SYNGR3: variants seen among roughly 807,000 people sequenced by gnomAD.
SYNGR3 encodes synaptogyrin 3.
SYNGR3 carries 10 observed loss-of-function variants against 18.5 expected under a neutral mutation model. The ratio of observed to expected loss-of-function variants is 0.54; its 90% CI spans 0.33 to 0.92. The LOEUF (loss-of-function observed/expected upper bound fraction) is 0.92, where lower values mean the gene tolerates loss of function less well. SYNGR3 is among the 40% of genes least tolerant of loss of function. The pLI, the probability that SYNGR3 is intolerant of heterozygous loss-of-function variation, is 0.02. For synonymous variants in SYNGR3, 188 were observed against 157.2 expected (o/e 1.20, Z -1.47); for missense variants, 335 against 332.8 (o/e 1.01, Z -0.05).
rs2083608418 is a variant in SYNGR3, at chr16:1,992,314, C to T, written c.337+103C>T. On this transcript the variant is annotated intron_variant, in intron 2 of 3. Coordinates refer to ENST00000248121, the MANE Select transcript of SYNGR3 (RefSeq NM_004209.6). Reference sequence around the variant, plus strand: ...CGCTGGAGTTTCCAGCTGGGCGTGGCCGTGACGAGGGGCGGGGACTGAGGC... The same window carrying T: ...CGCTGGAGTTTCCAGCTGGGCGTGGTCGTGACGAGGGGCGGGGACTGAGGC... 5.0e-6 allele frequency: 4 copies of T among 800,604 alleles called. No homozygotes were observed. In the East Asian group the frequency reaches 2.0e-4, roughly 39 times the overall value. The allele number at this position is 800,604 out of a possible 1,614,324, so 49.6% of individuals were successfully genotyped here. A position where few individuals can be genotyped will look rare whatever the true frequency, so the allele number is the denominator to read the frequency against.
Position 1,993,494 on chromosome 16 carries a change from A to G in SYNGR3, c.*422A>G, listed in dbSNP as rs1390576636. The G allele has an allele frequency of 8.4e-6, 4 of 477,586 alleles. No individual in the cohort carries two copies. In the East Asian group the frequency reaches 2.5e-4, roughly 30 times the overall value. 29.6% of individuals were successfully genotyped at this position (477,586 alleles called of 1,614,324 possible). A position where few individuals can be genotyped will look rare whatever the true frequency, so the allele number is the denominator to read the frequency against. On this transcript the variant is annotated 3_prime_UTR_variant, in exon 4 of 4. Coordinates refer to ENST00000248121, the MANE Select transcript of SYNGR3 (RefSeq NM_004209.6). ...CGCCCCAAGACTGGGGATCCTGGCC[A>G]CTGTTCCCATCCCATGTCCCTGTGG...
intron 1 of SYNGR3, chr16:1,991,677 A>G (rs1438415657): frequency 1.0e-5 from 4 of 401,602 alleles, no homozygotes; most frequent in Non-Finnish European, 1.8e-5. Flanking sequence ...TGTCCCCCGC[A>G]TTTATAAAGA....
rs1420042921 is a variant in SYNGR3, at chr16:1,992,010, G to A, written c.136G>A (p.Glu46Lys). ...CGCCGTCTTCGGGCCCATCGTCAAC[G>A]AGGGCTACGTGAACACCGACAGCGG... ...SIAVFGPIVN[E>K]GYVNTDSGPE... Residue 46 changes from glutamate to lysine, a missense_variant, in exon 2 of 4, where the codon GAG becomes AAG. Transcript: ENST00000248121. 6.3e-7 allele frequency: 1 copy of A among 1,593,446 alleles called. No homozygotes were observed. Among genetic ancestry groups the A allele is most frequent in the Non-Finnish European group, 8.5e-7 (1 of 1,171,864 alleles).
chr16:1,990,500 C>T (rs951257820), intron 1 of SYNGR3: 29 of 535,178 alleles, frequency 5.4e-5, no homozygotes, highest in Admixed American at 4.6e-4. Context: ...TTTCCGCAGC[C>T]CTTACTCCGT....
Position 1,991,958 on chromosome 16 carries a change from G to A in SYNGR3, c.100-16G>A, listed in dbSNP as rs780374484. ...GTCGGGTCGCCGCAGGGCCCTGAGCGCCGCGCCGCACGCAGGTGTTCTCCA... is the reference window on the plus strand; with the variant it reads ...GTCGGGTCGCCGCAGGGCCCTGAGCACCGCGCCGCACGCAGGTGTTCTCCA... On this transcript the variant is annotated splice_polypyrimidine_tract_variant and intron_variant, in intron 1 of 3. Coordinates refer to ENST00000248121, the MANE Select transcript of SYNGR3 (RefSeq NM_004209.6). 6.3e-7 allele frequency: 1 copy of A among 1,584,216 alleles called. No homozygotes were observed.
At position 1,993,032 on chromosome 16, in the gene SYNGR3, T is replaced by C; in HGVS notation, c.650T>C (p.Leu217Pro). 1 of 1,609,634 alleles carries C rather than the reference T, an allele frequency of 6.2e-7. No individual in the cohort carries two copies. The highest frequency in any genetic ancestry group is 1.7e-5 in the Admixed American group (1 of 59,740). The stretch of plus-strand genomic sequence containing the variant: ...CAGAGCCCGCCCTTCACCGAGACCC[T>C]GGACACCAGCCCCAAAGGGTACCAG... ...TYQSPPFTET[L>P]DTSPKGYQVP... The change falls in exon 4 of 4, where the codon CTG (leucine) becomes CCG (proline). Residue 217 changes from leucine to proline, a missense_variant. Transcript: ENST00000248121.
At position 1,992,709 on chromosome 16, in the gene SYNGR3, G is replaced by A; in HGVS notation, c.411G>A (p.Pro137=). The A allele has an allele frequency of 1.2e-6, 2 of 1,600,162 alleles. No homozygotes were observed. Among genetic ancestry groups the A allele is most frequent in the Non-Finnish European group, 1.7e-6 (2 of 1,176,052 alleles). The change falls in exon 3 of 4, where the codon CCG becomes CCA. Residue 137 remains proline (P), a synonymous_variant. Transcript: ENST00000248121. ...TNQWQRTAPG[P]ATTQAGDAAR... is the part of the protein sequence containing the mutation. ...AGTGGCAGCGCACGGCGCCAGGGCC[G>A]GCCACGACGCAGGCGGGGGACGCGG...
Position 1,993,750 on chromosome 16 carries a change from C to T in SYNGR3, c.*678C>T, listed in dbSNP as rs2083617353. 1 of 387,780 alleles carries T rather than the reference C, an allele frequency of 2.6e-6. No homozygotes were observed. Among genetic ancestry groups the T allele is most frequent in the South Asian group, 1.9e-5 (1 of 53,472 alleles). The allele number at this position is 387,780 out of a possible 1,614,324, so 24.0% of individuals were successfully genotyped here. On this transcript the variant is annotated 3_prime_UTR_variant, in exon 4 of 4. Coordinates refer to ENST00000248121, the MANE Select transcript of SYNGR3 (RefSeq NM_004209.6). ...GGCACAAGGTAGCTGTGGGCCAAGA[C>T]ACCAGCCCTGTCCTAGCCCTTCAGT...
intron 1 of SYNGR3, chr16:1,991,705 A>C: frequency 2.0e-6 from 1 of 487,976 alleles, no homozygotes; most frequent in Non-Finnish European, 3.6e-6. Flanking sequence ...AACAATGGCG[A>C]TCCCACGGGG....
chr16:1,992,604 A>G, intron 2 of SYNGR3, 32 bp from the exon 3 acceptor site: 1 of 1,577,534 alleles, frequency 6.3e-7, no homozygotes, highest in Non-Finnish European at 8.6e-7. Context: ...CACCGCGTGG[A>G]GCGTCGCCCT....
At position 1,992,193 on chromosome 16, in the gene SYNGR3, C is replaced by A; in HGVS notation, c.319C>A (p.Leu107Met). ...CCGCGACCGCCGGCGCGCGGTGTTG[C>A]TGGACCTGGGCTTCTCAGGTGGGCG... ...SVRDRRRAVL[L>M]DLGFSGLWSF... Residue 107 changes from leucine to methionine, a missense_variant, in exon 2 of 4, where the codon CTG (leucine) becomes ATG (methionine). Transcript: ENST00000248121. 1 of 1,344,382 alleles carries A rather than the reference C, an allele frequency of 7.4e-7. No homozygotes were observed. Among genetic ancestry groups the A allele is most frequent in the Non-Finnish European group, 9.6e-7 (1 of 1,040,402 alleles). 83.3% of individuals were successfully genotyped at this position (1,344,382 alleles called of 1,614,324 possible).
intron 1 of SYNGR3, chr16:1,991,014 A>G (rs1405563455): frequency 6.6e-6 from 1 of 151,072 alleles, no homozygotes; most frequent in African/African-American, 2.4e-5. Flanking sequence ...TCTTGGGGAC[A>G]AGTGCATGTC....
Position 1,993,181 on chromosome 16 carries a change from G to A in SYNGR3, c.*109G>A. On this transcript the variant is annotated 3_prime_UTR_variant, in exon 4 of 4. Transcript: ENST00000248121. ...CAGCTCAGTGCCGCGGACAGAGTAG[G>A]TGGCCGCTTTGCGCCATCCGGGGCC... The A allele has an allele frequency of 7.2e-7, 1 of 1,380,960 alleles. No homozygotes were observed. The highest frequency in any genetic ancestry group is 9.8e-7 in the Non-Finnish European group (1 of 1,019,958). The allele number at this position is 1,380,960 out of a possible 1,614,324, so 85.5% of individuals were successfully genotyped here.
chr16:1,990,889 G>A (rs1460516099), intron 1 of SYNGR3, among the ~76,000 whole-genome samples: 1 of 152,274 alleles, frequency 6.6e-6, no homozygotes, highest in African/African-American at 2.4e-5. Flanking sequence ...CTTGGAGGAG[G>A]GCGGTGCCCA....
Position 1,993,870 on chromosome 16 carries a change from G to T in SYNGR3, c.*798G>T. On this transcript the variant is annotated 3_prime_UTR_variant, in exon 4 of 4. Coordinates refer to ENST00000248121, the MANE Select transcript of SYNGR3 (RefSeq NM_004209.6). ...CCCAGAGGCTCCAGCTGGCCACCGT[G>T]CCCCACAAGATGGCCCCTGTGTGGT... 1 of 321,028 alleles carries T rather than the reference G, an allele frequency of 3.1e-6. No individual in the cohort carries two copies. Among genetic ancestry groups the T allele is most frequent in the Non-Finnish European group, 6.2e-6 (1 of 161,228 alleles). 19.9% of individuals were successfully genotyped at this position (321,028 alleles called of 1,614,324 possible).
In SYNGR3 at chr16:1,990,200, G is replaced by C; in HGVS notation, c.98G>C (p.Trp33Ser). Reference protein sequence around the residue: ...RPQTLLRVASWVFSIAVFGPI... With the variant: ...RPQTLLRVASSVFSIAVFGPI... ...CAGACCCTGCTCCGGGTCGCGTCCT[G>C]GGTGAGTGGTCCCTGCCCGGGCCCC... The change falls in exon 1 of 4, where the codon TGG becomes TCG. Residue 33 changes from tryptophan to serine, a missense_variant and splice_region_variant. Trp to Ser is a radical substitution (Grantham distance 177). Transcript: ENST00000248121. The C allele has an allele frequency of 7.8e-7, 1 of 1,278,346 alleles. No individual in the cohort carries two copies. Among genetic ancestry groups the C allele is most frequent in the South Asian group, 2.5e-5 (1 of 40,574 alleles). The allele number at this position is 1,278,346 out of a possible 1,614,324, so 79.2% of individuals were successfully genotyped here. A position where few individuals can be genotyped will look rare whatever the true frequency, so the allele number is the denominator to read the frequency against.
rs2083616935 is a variant in SYNGR3 at position 1,993,660 on chromosome 16, C to G, written c.*588C>G. 3 of 445,200 alleles carry G rather than the reference C, an allele frequency of 6.7e-6. No individual in the cohort carries two copies. The Admixed American group carries it at 7.1e-5, about 11-fold the overall frequency. 27.6% of individuals were successfully genotyped at this position (445,200 alleles called of 1,614,324 possible). On this transcript the variant is annotated 3_prime_UTR_variant, in exon 4 of 4. Coordinates refer to ENST00000248121, the MANE Select transcript of SYNGR3 (RefSeq NM_004209.6). ...TCTTCGGGTTTCACCTCCTAGTACT[C>G]CACAAGCTGCTCCTCTCTCTGTGGC...
Position 1,993,790 on chromosome 16 carries a change from AGAG to A in SYNGR3, c.*722_*724del, listed in dbSNP as rs1168766354. On this transcript the variant is annotated 3_prime_UTR_variant, in exon 4 of 4. Coordinates refer to ENST00000248121, the MANE Select transcript of SYNGR3 (RefSeq NM_004209.6). ...AGCCCTTCAGTAAGACCTTGCCAGG[AGAG>A]GAGAAGGATGCCTGGGTGCCAGGCA... The A allele has an allele frequency of 8.6e-6, 3 of 347,388 alleles. No homozygotes were observed. The highest frequency in any genetic ancestry group is 7.8e-5 in the East Asian group (1 of 12,760). The allele number at this position is 347,388 out of a possible 1,614,324, so 21.5% of individuals were successfully genotyped here. A position where few individuals can be genotyped will look rare whatever the true frequency, so the allele number is the denominator to read the frequency against.
rs780098128 is a variant in SYNGR3 at position 1,992,668 on chromosome 16, T to C, written c.370T>C (p.Cys124Arg). ...GTCCTTCCTGTGGTTCGTGGGCTTC[T>C]GCTTCCTCACCAATCAGTGGCAGCG... Reference protein sequence around the residue: ...LWSFLWFVGFCFLTNQWQRTA... With the variant: ...LWSFLWFVGFRFLTNQWQRTA... Residue 124 changes from cysteine (C) to arginine (R), a missense_variant, in exon 3 of 4, where the codon TGC (cysteine) becomes CGC (arginine). Coordinates refer to ENST00000248121, the MANE Select transcript of SYNGR3 (RefSeq NM_004209.6). The C allele has an allele frequency of 2.5e-6, 4 of 1,606,474 alleles. No homozygotes were observed. Among genetic ancestry groups the C allele is most frequent in the Non-Finnish European group, 3.4e-6 (4 of 1,177,842 alleles).
Sources: allele counts gnomAD v4.1 joint callset (sites outside exome capture counted in the v4.1 genomes callset), GRCh38; gene constraint gnomAD v4.1.1; transcripts MANE v1.5; gene names NCBI Gene and HGNC (gene_info 2026-07-23, HGNC 2026-07-21).